TENM4: variants seen among roughly 807,000 people sequenced by gnomAD.
TENM4 encodes teneurin-4.
Under a neutral mutation model 243.3 loss-of-function variants are expected in TENM4, and 82 were observed. That is an observed-to-expected ratio of 0.34 (90% CI 0.28 to 0.40). The LOEUF (loss-of-function observed/expected upper bound fraction) is 0.40, where lower values mean the gene tolerates loss of function less well. Among genes scored for constraint, TENM4 ranks in the 10% least tolerant of loss-of-function variants. TENM4 has a pLI of 1.00. For synonymous variants in TENM4, 1,412 were observed against 1,456.3 expected, an observed-to-expected ratio of 0.97 and a Z score of 0.69; for missense variants, 3,138 against 3,673.3, an observed-to-expected ratio of 0.85 and a Z score of 3.77.
intron 15 of TENM4, among the ~76,000 whole-genome samples, chr11:78,790,702 A>G (rs910894608): frequency 6.6e-6 from 1 of 152,206 alleles, no homozygotes; most frequent in African/African-American, 2.4e-5. Context: ...AAGGAAACGA[A>G]GCCTCAGAAC....
chr11:78,825,529 G>A (rs143118769), intron 12 of TENM4, among the ~76,000 whole-genome samples: 10 of 152,160 alleles, frequency 6.6e-5, no homozygotes, highest in South Asian at 6.2e-4. Context: ...TTTGAGAACC[G>A]CTCGTCTGGA....
At chr11:79,099,721 T>G (rs1451570879) in intron 4 of TENM4, among the ~76,000 whole-genome samples, 2 of 152,198 alleles carry the variant, frequency 1.3e-5, no homozygotes, top group African/African-American at 2.4e-5. Context: ...GACCTTTTTG[T>G]AATCCTCACC....
At chr11:79,124,887 A>ATGTGTGTG (rs750326710) in intron 4 of TENM4, among the ~76,000 whole-genome samples, 1,410 of 74,310 alleles carry the variant, frequency 0.019, 9 homozygotes, top group African/African-American at 0.027. Flanking sequence ...ATATATGTAT[A>ATGTGTGTG]TGTATATGTG....
At chr11:78,928,558 TG>T (rs1193498339) in intron 6 of TENM4, among the ~76,000 whole-genome samples, 2 of 152,082 alleles carry the variant, frequency 1.3e-5, no homozygotes, top group Non-Finnish European at 1.5e-5. Flanking sequence ...AGGGATAAAG[TG>T]GGGGGTTACA....
intron 25 of TENM4, among the ~76,000 whole-genome samples, chr11:78,718,555 CT>C (rs1263353449): frequency 1.3e-5 from 2 of 152,322 alleles, no homozygotes; most frequent in African/African-American, 2.4e-5. Flanking sequence ...CTATGTCCCC[CT>C]GGGTCATGGC....
chr11:79,164,060 A>AG (rs1862832750), intron 3 of TENM4, among the ~76,000 whole-genome samples: 1 of 18,332 alleles, frequency 5.5e-5, no homozygotes, highest in South Asian at 1.6e-3. Flanking sequence ...TACTATGTAT[A>AG]TATAGTGTAT....
At chr11:79,305,658 G>A (rs993692249) in intron 1 of TENM4, among the ~76,000 whole-genome samples, 3 of 152,236 alleles carry the variant, frequency 2.0e-5, no homozygotes, top group Admixed American at 1.3e-4. Flanking sequence ...GGGCTCAGGG[G>A]CCAGCTTCTA....
intron 3 of TENM4, among the ~76,000 whole-genome samples, chr11:79,205,015 G>A (rs1293951363): frequency 2.0e-5 from 3 of 152,166 alleles, no homozygotes; most frequent in African/African-American, 4.8e-5. Flanking sequence ...GAATTGTGTG[G>A]GAATGAGCAA....
chr11:78,967,347 A>G (rs1001211881), intron 6 of TENM4, among the ~76,000 whole-genome samples: 5 of 152,372 alleles, frequency 3.3e-5, no homozygotes, highest in African/African-American at 1.2e-4. Flanking sequence ...GGAAGGAAGG[A>G]GAGTACCTTG....
chr11:79,216,448 C>G (rs1447613163), intron 2 of TENM4, among the ~76,000 whole-genome samples: 2 of 152,178 alleles, frequency 1.3e-5, no homozygotes, highest in Non-Finnish European at 2.9e-5. Flanking sequence ...AAGTCACTGG[C>G]CTTCTCTAAA....
intron 6 of TENM4, among the ~76,000 whole-genome samples, chr11:78,966,664 G>A (rs1258044670): frequency 6.6e-6 from 1 of 152,182 alleles, no homozygotes; most frequent in African/African-American, 2.4e-5. Context: ...CTGAGCCTTG[G>A]AGGATTTCAA....
intron 6 of TENM4, chr11:78,962,304 G>GA (rs1453643033): frequency 8.5e-6 from 1 of 117,228 alleles, no homozygotes; most frequent in Non-Finnish European, 1.8e-5. Context: ...CGGGGAGGGG[G>GA]ACTGCTCAAT....
intron 2 of TENM4, among the ~76,000 whole-genome samples, chr11:79,297,221 A>G (rs1856470033): frequency 6.6e-6 from 1 of 152,216 alleles, no homozygotes; most frequent in Admixed American, 6.5e-5. Context: ...GAAAGACCCA[A>G]TGTTGGCCAT....
At chr11:78,927,137 C>A (rs1468241565) in intron 6 of TENM4, among the ~76,000 whole-genome samples, 1 of 152,176 alleles carries the variant, frequency 6.6e-6, no homozygotes, top group East Asian at 1.9e-4. Flanking sequence ...ATGTTTGGAG[C>A]TTGTTTCTGA....
At chr11:79,325,173 C>T (rs777922284) in intron 1 of TENM4, among the ~76,000 whole-genome samples, 2 of 152,214 alleles carry the variant, frequency 1.3e-5, no homozygotes, top group Non-Finnish European at 2.9e-5. Context: ...GCTGGCTCTG[C>T]CCATTCCTGA....
chr11:79,077,520 AC>A (rs1860562847), intron 4 of TENM4, among the ~76,000 whole-genome samples: 1 of 152,246 alleles, frequency 6.6e-6, no homozygotes, highest in South Asian at 2.1e-4. Flanking sequence ...TTTAACTAAA[AC>A]AAAAATTTCA....
intron 15 of TENM4, among the ~76,000 whole-genome samples, chr11:78,798,045 T>C (rs1488622007): frequency 1.3e-5 from 2 of 152,228 alleles, no homozygotes; most frequent in Non-Finnish European, 2.9e-5. Context: ...TGCTCAATGC[T>C]GAATCTAATT....
intron 18 of TENM4, among the ~76,000 whole-genome samples, chr11:78,768,923 A>G (rs1856594914): frequency 1.3e-5 from 2 of 152,176 alleles, no homozygotes; most frequent in South Asian, 4.1e-4. Context: ...CAAAGGATAC[A>G]CTTGAATTGC....
At position 79,405,493 on chromosome 11, in the gene TENM4, A is replaced by G. The variant is rs186049327; in HGVS notation, c.-321+35016T>C. Among the ~76,000 whole-genome samples the G allele has an allele frequency of 4.1e-4, 63 of 152,196 alleles. 1 individual carries two copies. In the East Asian group the frequency reaches 0.011, roughly 26 times the overall value. The stretch of plus-strand genomic sequence containing the variant: ...GGCTTAGAATGTAAAAAAAAAAAAA[A>G]AAGACATTTTTTGAAAGACACATAA... On this transcript the variant is annotated intron_variant, in intron 1 of 33. Coordinates refer to ENST00000278550, the MANE Select transcript of TENM4 (RefSeq NM_001098816.3).
Sources: gnomAD v4.1 joint callset for allele counts (sites outside exome capture counted in the v4.1 genomes callset) on GRCh38, gnomAD v4.1.1 for gene constraint, MANE v1.5 for transcripts, NCBI Gene and HGNC (gene_info 2026-07-23, HGNC 2026-07-21) for gene names.